The following NLK variants were observed in gnomAD, a reference collection of about 807,000 sequenced individuals.
The protein encoded by NLK is serine/threonine-protein kinase NLK.
In NLK, 11 loss-of-function variants were observed where a neutral mutation model predicts 59.0. The observed-to-expected ratio is 0.19, with a 90% CI of 0.12 to 0.31. NLK has a LOEUF of 0.31. Among genes scored for constraint, NLK ranks in the 10% least tolerant of loss-of-function variants. NLK has a pLI of 1.00. For missense variants in NLK, 410 were observed against 661.1 expected (o/e 0.62, Z 4.16); for synonymous variants, 235 against 235.9 (o/e 1.00, Z 0.03).
chr17:28,068,614 A>G (rs1909911585), intron 1 of NLK, among the ~76,000 whole-genome samples: 1 of 152,174 alleles, frequency 6.6e-6, no homozygotes, highest in Non-Finnish European at 1.5e-5. Context: ...ACGTATATTT[A>G]TTCTGCAGTT....
intron 1 of NLK, among the ~76,000 whole-genome samples, chr17:28,069,644 C>G (rs1046555416): frequency 4.6e-5 from 7 of 152,062 alleles, no homozygotes; most frequent in African/African-American, 1.7e-4. Context: ...ATGTTTGCCA[C>G]ATTTTCATGT....
chr17:28,095,778 A>C (rs950841233), intron 1 of NLK, among the ~76,000 whole-genome samples: 1 of 152,234 alleles, frequency 6.6e-6, no homozygotes, highest in Non-Finnish European at 1.5e-5. Flanking sequence ...TTAAAGTTAC[A>C]TTTAAAATTT....
At chr17:28,134,432 G>A (rs888554185) in intron 3 of NLK, among the ~76,000 whole-genome samples, 8 of 152,096 alleles carry the variant, frequency 5.3e-5, no homozygotes, top group Non-Finnish European at 8.8e-5. Context: ...AAATTAAAAA[G>A]CAATATAATG....
intron 1 of NLK, among the ~76,000 whole-genome samples, chr17:28,070,491 C>T (rs1212934006): frequency 1.3e-5 from 2 of 150,642 alleles, no homozygotes; most frequent in East Asian, 4.0e-4. Flanking sequence ...GGAGCTGGGA[C>T]TACAGGCACA....
Position 28,163,595 on chromosome 17 carries a change from G to T in NLK, c.804G>T (p.Gly268=). The T allele has an allele frequency of 6.2e-7, 1 of 1,608,272 alleles. No homozygotes were observed. The highest frequency in any genetic ancestry group is 2.2e-5 in the East Asian group (1 of 44,760). ...TTTTACATCGAGACATTAAGCCAGG[G>T]AATCTCCTTGTGAACAGCAACTGTG... is the stretch of plus-strand genomic sequence containing the variant. ...AGILHRDIKP[G]NLLVNSNCVL... Residue 268 remains glycine (G), a synonymous_variant, in exon 5 of 11, where the codon GGG becomes GGT. Transcript: ENST00000407008.
chr17:28,155,741 G>A lies in NLK; in HGVS notation c.645-5419G>A, dbSNP rs138406461. ...TGGGAATTGAACAATGAGAACACTT[G>A]AACATAGGGCAGGGAACATCACACA... On this transcript the variant is annotated intron_variant, in intron 3 of 10. Transcript: ENST00000407008. Among the ~76,000 whole-genome samples the A allele has an allele frequency of 3.2e-3, 487 of 151,386 alleles. 3 individuals carry two copies. Among genetic ancestry groups the A allele is most frequent in the Non-Finnish European group, 5.2e-3 (356 of 67,898 alleles).
chr17:28,111,514 G>A (rs1567716850), intron 1 of NLK, among the ~76,000 whole-genome samples: 1 of 151,980 alleles, frequency 6.6e-6, no homozygotes, highest in Non-Finnish European at 1.5e-5. Context: ...CCCGAGTATG[G>A]GCCACATTTT....
intron 7 of NLK, among the ~76,000 whole-genome samples, chr17:28,173,204 CT>C (rs1455830394): frequency 6.6e-6 from 1 of 152,148 alleles, no homozygotes; most frequent in Admixed American, 6.5e-5. Flanking sequence ...CAAGCACTTC[CT>C]TATCTCCTTT....
At chr17:28,114,427 G>A (rs1905666811) in intron 1 of NLK, among the ~76,000 whole-genome samples, 1 of 152,102 alleles carries the variant, frequency 6.6e-6, no homozygotes, top group Admixed American at 6.5e-5. Context: ...TTAAAAAATT[G>A]ATTTGTAGGA....
intron 3 of NLK, among the ~76,000 whole-genome samples, chr17:28,156,816 A>C (rs1907763840): frequency 6.6e-6 from 1 of 152,214 alleles, no homozygotes; most frequent in Non-Finnish European, 1.5e-5. Context: ...AATTATGCTA[A>C]GATTGAGTGG....
intron 1 of NLK, among the ~76,000 whole-genome samples, chr17:28,076,650 C>T (rs1910167891): frequency 6.6e-6 from 1 of 152,054 alleles, no homozygotes; most frequent in South Asian, 2.1e-4. Flanking sequence ...TGATATTTTT[C>T]CTGAGACTGG....
chr17:28,129,962 G>A (rs1458846925), intron 2 of NLK, among the ~76,000 whole-genome samples: 2 of 152,130 alleles, frequency 1.3e-5, no homozygotes, highest in Non-Finnish European at 2.9e-5. Context: ...TAAAAGATTT[G>A]TGACATATGC....
At chr17:28,082,362 G>T (rs1485997814) in intron 1 of NLK, among the ~76,000 whole-genome samples, 4 of 152,222 alleles carry the variant, frequency 2.6e-5, no homozygotes, top group Non-Finnish European at 4.4e-5. Flanking sequence ...GGGGAAAAGG[G>T]AGGGATGTGT....
Position 28,155,754 on chromosome 17 carries a change from G to A in NLK, c.645-5406G>A, listed in dbSNP as rs149591515. Reference sequence around the variant, plus strand: ...ATGAGAACACTTGAACATAGGGCAGGGAACATCACACATCAGGGCCTGTCG... The same window carrying A: ...ATGAGAACACTTGAACATAGGGCAGAGAACATCACACATCAGGGCCTGTCG... On this transcript the variant is annotated intron_variant, in intron 3 of 10. Transcript: ENST00000407008. Among the ~76,000 whole-genome samples, 1,321 of 151,988 alleles carry A rather than the reference G, an allele frequency of 8.7e-3. 20 individuals carry two copies. Among genetic ancestry groups the A allele is most frequent in the African/African-American group, 0.03 (1,244 of 41,416 alleles).
At chr17:28,074,004 C>G (rs1190790240) in intron 1 of NLK, among the ~76,000 whole-genome samples, 1 of 152,188 alleles carries the variant, frequency 6.6e-6, no homozygotes, top group Non-Finnish European at 1.5e-5. Flanking sequence ...ACTGTTATAA[C>G]TTAATTTGCT....
At chr17:28,088,074 C>T (rs1396927606) in intron 1 of NLK, among the ~76,000 whole-genome samples, 1 of 152,186 alleles carries the variant, frequency 6.6e-6, no homozygotes, top group Non-Finnish European at 1.5e-5. Flanking sequence ...GAGTTTATCA[C>T]AATCTGTATG....
chr17:28,082,152 C>A (rs1044066988), intron 1 of NLK, among the ~76,000 whole-genome samples: 6 of 152,232 alleles, frequency 3.9e-5, no homozygotes, highest in African/African-American at 1.4e-4. Flanking sequence ...ATCCACCCTC[C>A]TCGGCCTCCC....
intron 2 of NLK, among the ~76,000 whole-genome samples, chr17:28,128,636 A>G (rs532904945): frequency 2.0e-5 from 3 of 152,346 alleles, no homozygotes; most frequent in Admixed American, 2.0e-4. Context: ...GATTGGCTGA[A>G]ATTAAAAAGA....
chr17:28,163,527 C>T lies in NLK; in HGVS notation c.752-16C>T. On this transcript the variant is annotated splice_polypyrimidine_tract_variant and intron_variant, in intron 4 of 10. Transcript: ENST00000407008. The stretch of plus-strand genomic sequence containing the variant: ...AGGAATTAAATATCTGCAATTAAAT[C>T]TGTTTGTTATTTCAGGTTTGAAATA... 6.8e-7 allele frequency: 1 copy of T among 1,473,970 alleles called. No individual in the cohort carries two copies. Among genetic ancestry groups the T allele is most frequent in the Non-Finnish European group, 9.4e-7 (1 of 1,063,918 alleles). The allele number at this position is 1,473,970 out of a possible 1,614,324, so 91.3% of individuals were successfully genotyped here.
Sources: allele counts gnomAD v4.1 joint callset (sites outside exome capture counted in the v4.1 genomes callset), GRCh38; gene constraint gnomAD v4.1.1; transcripts MANE v1.5; gene names NCBI Gene and HGNC (gene_info 2026-07-23, HGNC 2026-07-21).